EXOC4: variants seen among roughly 807,000 people sequenced by gnomAD.
EXOC4 encodes the protein exocyst complex component 4, also known as SEC8-like 1.
EXOC4 carries 71 observed loss-of-function variants against 107.2 expected under a neutral mutation model. The ratio of observed to expected loss-of-function variants is 0.66; its 90% CI spans 0.55 to 0.81. EXOC4 has a LOEUF of 0.81. EXOC4 is among the 30% of genes least tolerant of loss of function. The probability of loss-of-function intolerance (pLI) is 0.00; values close to 1 mark genes in which losing one functional copy is unlikely to be tolerated. For missense variants in EXOC4, 1,108 were observed against 1,189.6 expected, an observed-to-expected ratio of 0.93 and a Z score of 1.01; for synonymous variants, 456 against 441.2, an observed-to-expected ratio of 1.03 and a Z score of -0.42.
At chr7:134,099,796 T>C in the EXOC4 span, among the ~76,000 whole-genome samples, 2 of 152,240 alleles carry the variant, frequency 1.3e-5, no homozygotes, top group African/African-American at 4.8e-5. Flanking sequence ...AACCTCCACC[T>C]CCTGGGTTCA....
chr7:133,419,974 T>TC (rs1797565309), intron 7 of EXOC4, among the ~76,000 whole-genome samples: 1 of 151,246 alleles, frequency 6.6e-6, no homozygotes, highest in South Asian at 2.1e-4. Context: ...CTTTTTTTTT[T>TC]TTTTTTTTAT....
intron 14 of EXOC4, among the ~76,000 whole-genome samples, chr7:133,984,148 G>A (rs1794060905): frequency 6.6e-6 from 1 of 152,212 alleles, no homozygotes; most frequent in South Asian, 2.1e-4. Flanking sequence ...GGGACCTAGG[G>A]CTTGCTCAGA....
At position 133,508,232 on chromosome 7, in the gene EXOC4, C is replaced by T. The variant is rs113637315; in HGVS notation, c.1417+28094C>T. ...AAGAAATGAAATATGAAGTATTTCC[C>T]GAGACAGTGTTCTCTAACTTTGGGG... is the stretch of plus-strand genomic sequence containing the variant. On this transcript the variant is annotated intron_variant, in intron 9 of 17. Coordinates refer to ENST00000253861, the MANE Select transcript of EXOC4 (RefSeq NM_021807.4). 3.8e-3 allele frequency among the ~76,000 whole-genome samples: 575 copies of T among 152,000 alleles called. 5 individuals carry two copies. Among genetic ancestry groups the T allele is most frequent in the African/African-American group, 0.013 (521 of 41,424 alleles).
chr7:134,056,621 T>C (rs142553478), intron 17 of EXOC4, among the ~76,000 whole-genome samples: 2 of 152,340 alleles, frequency 1.3e-5, no homozygotes, highest in East Asian at 3.9e-4. Context: ...CAGTTTTAAT[T>C]GTACTGAATT....
At chr7:133,343,839 T>G (rs552141376) in intron 5 of EXOC4, among the ~76,000 whole-genome samples, 3 of 152,140 alleles carry the variant, frequency 2.0e-5, no homozygotes, top group Admixed American at 1.3e-4. Context: ...TTTGAGATTT[T>G]TTTTTTTTTG....
At chr7:133,369,320 G>A (rs1205877030) in intron 6 of EXOC4, among the ~76,000 whole-genome samples, 10 of 152,060 alleles carry the variant, frequency 6.6e-5, no homozygotes, top group Admixed American at 6.6e-4. Context: ...GTACGTGCTG[G>A]TGAGGGACAA....
chr7:133,660,838 A>G (rs1803422877), intron 10 of EXOC4, among the ~76,000 whole-genome samples: 1 of 152,156 alleles, frequency 6.6e-6, no homozygotes, highest in African/African-American at 2.4e-5. Flanking sequence ...AAGTCCACAC[A>G]CTGCCTGGAG....
At position 133,563,842 on chromosome 7, in the gene EXOC4, G is replaced by T. The variant is rs184706167; in HGVS notation, c.1418-66203G>T. ...GATAGAAATTTGTTTCTACAGAACT[G>T]CCAGGAATTATATTACACATTGAGA... On this transcript the variant is annotated intron_variant, in intron 9 of 17. Transcript: ENST00000253861. 7.2e-5 allele frequency among the ~76,000 whole-genome samples: 11 copies of T among 152,280 alleles called. No homozygotes were observed. In the East Asian group the frequency reaches 1.9e-3, roughly 27 times the overall value.
intron 1 of EXOC4, among the ~76,000 whole-genome samples, chr7:133,256,491 A>G (rs1457155475): frequency 6.6e-6 from 1 of 152,184 alleles, no homozygotes; most frequent in Non-Finnish European, 1.5e-5. Context: ...TCATGTTTCC[A>G]TGGACTTATT....
intron 9 of EXOC4, among the ~76,000 whole-genome samples, chr7:133,620,246 C>T (rs969657761): frequency 2.0e-5 from 3 of 151,906 alleles, no homozygotes; most frequent in South Asian, 2.1e-4. Context: ...AGGCTGGTTT[C>T]GAACTCCTGA....
chr7:133,861,144 G>T (rs1798525365), intron 11 of EXOC4, among the ~76,000 whole-genome samples: 1 of 152,154 alleles, frequency 6.6e-6, no homozygotes, highest in Non-Finnish European at 1.5e-5. Flanking sequence ...CTTCAATGCT[G>T]ACCTGTGCTT....
chr7:133,505,973 G>A (rs1799657872), intron 9 of EXOC4, among the ~76,000 whole-genome samples: 1 of 152,042 alleles, frequency 6.6e-6, no homozygotes, highest in Admixed American at 6.6e-5. Flanking sequence ...ATGAATGAAC[G>A]ATTCCTTTTT....
intron 7 of EXOC4, among the ~76,000 whole-genome samples, chr7:133,462,913 C>T (rs531730221): frequency 1.1e-4 from 16 of 152,104 alleles, no homozygotes; most frequent in South Asian, 4.2e-4. Context: ...TTGTGAGAGG[C>T]GCTGAATAAT....
At chr7:133,709,645 C>CTTTTTTTTTTTTTTTTTTT (rs147956984) in intron 10 of EXOC4, among the ~76,000 whole-genome samples, 1 of 118,146 alleles carries the variant, frequency 8.5e-6, no homozygotes, top group African/African-American at 3.2e-5. Flanking sequence ...AATCTGTTTT[C>CTTTTTTTTTTTTTTTTTTT]TTTTTTTTTT....
At chr7:133,992,738 C>T (rs1352323298) in intron 14 of EXOC4, among the ~76,000 whole-genome samples, 3 of 147,850 alleles carry the variant, frequency 2.0e-5, no homozygotes, top group African/African-American at 7.5e-5. Context: ...TCTTGGATGC[C>T]GTTTCTTTCT....
intron 9 of EXOC4, 60 bp from the exon 10 acceptor site, chr7:133,629,985 G>C: frequency 1.6e-6 from 2 of 1,256,878 alleles, no homozygotes; most frequent in Non-Finnish European, 2.3e-6. Context: ...GATATGCTTG[G>C]TTTGTTTATT....
intron 10 of EXOC4, among the ~76,000 whole-genome samples, chr7:133,783,032 G>A (rs1405095712): frequency 6.6e-6 from 1 of 152,074 alleles, no homozygotes; most frequent in African/African-American, 2.4e-5. Flanking sequence ...ACATCGCCGT[G>A]CCTCATCTTT....
Position 134,005,012 on chromosome 7 carries a change from C to G in EXOC4, c.2449C>G (p.Leu817Val). 2 of 1,613,622 alleles carry G rather than the reference C, an allele frequency of 1.2e-6. No individual in the cohort carries two copies. Among genetic ancestry groups the G allele is most frequent in the South Asian group, 2.2e-5 (2 of 91,070 alleles). ...SMDYDPLVVK[L>V]NKDISAIEEA... ...GGATTATGACCCCCTGGTGGTCAAG[C>G]TCAACAAAGATATCAGCGCCATTGA... Residue 817 changes from leucine (L) to valine (V), a missense_variant, in exon 16 of 18, where the codon CTC becomes GTC. Leu to Val is a conservative substitution (Grantham distance 32). Transcript: ENST00000253861.
intron 7 of EXOC4, among the ~76,000 whole-genome samples, chr7:133,464,810 G>GTTTTTTTTTTTT (rs1491525276): frequency 8.5e-5 from 9 of 105,678 alleles, no homozygotes; most frequent in East Asian, 3.4e-4. Context: ...TGGTTGGGTT[G>GTTTTTTTTTTTT]GTTTTTTTTT....
Sources: gnomAD v4.1 joint callset for allele counts (sites outside exome capture counted in the v4.1 genomes callset) on GRCh38, gnomAD v4.1.1 for gene constraint, MANE v1.5 for transcripts, NCBI Gene and HGNC (gene_info 2026-07-23, HGNC 2026-07-21) for gene names.